The following POMK variants were observed in gnomAD, a reference collection of about 807,000 sequenced individuals.
The protein encoded by POMK is protein O-mannose kinase.
In POMK, 19 loss-of-function variants were observed where a neutral mutation model predicts 23.0. That is an observed-to-expected ratio of 0.83 (90% confidence interval 0.58 to 1.21). The LOEUF (loss-of-function observed/expected upper bound fraction) is 1.21, where lower values mean the gene tolerates loss of function less well. Among genes scored for constraint, POMK ranks in the 50% most tolerant of loss-of-function variants. POMK has a pLI of 0.00. For synonymous variants in POMK, 173 were observed against 171.6 expected, an observed-to-expected ratio of 1.01 and a Z score of -0.06; for missense variants, 410 against 431.3, an observed-to-expected ratio of 0.95 and a Z score of 0.44.
chr8:43,104,421 A>G (rs1050900622), intron 4 of POMK, among the ~76,000 whole-genome samples: 3 of 152,154 alleles, frequency 2.0e-5, no homozygotes, highest in African/African-American at 7.2e-5. Context: ...AGGCAGGAAA[A>G]AAGTCAAATG....
In POMK at chr8:43,122,261, C is replaced by G. The variant is rs776884318; in HGVS notation, c.437C>G (p.Thr146Ser). Residue 146 changes from threonine (T) to serine (S), a missense_variant, in exon 5 of 5, where the codon ACT (threonine) becomes AGT (serine). Physicochemically the swap from Thr to Ser is moderately conservative, Grantham distance 58. Transcript: ENST00000331373. Reference protein sequence around the residue: ...TLLGYCEDDNTMLTEYHPLGS... With the variant: ...TLLGYCEDDNSMLTEYHPLGS... ...CTTGGCTATTGTGAGGATGACAACA[C>G]TATGCTTACTGAATATCACCCTCTA... is the stretch of plus-strand genomic sequence containing the variant. 2 of 1,614,204 alleles carry G rather than the reference C, an allele frequency of 1.2e-6. No individual in the cohort carries two copies. The highest frequency in any genetic ancestry group is 1.7e-6 in the Non-Finnish European group (2 of 1,180,028).
chr8:43,109,526 A>G (rs899099353), intron 4 of POMK, among the ~76,000 whole-genome samples: 1 of 151,770 alleles, frequency 6.6e-6, no homozygotes, highest in African/African-American at 2.4e-5. Context: ...GTTTGACCAT[A>G]AGGTAAGATT....
chr8:43,122,894 T>C lies in POMK; in HGVS notation c.*17T>C, dbSNP rs749293857. 5 of 1,587,688 alleles carry C rather than the reference T, an allele frequency of 3.1e-6. 1 individual carries two copies. In the South Asian group the frequency reaches 3.4e-5, roughly 11 times the overall value. On this transcript the variant is annotated 3_prime_UTR_variant, in exon 5 of 5. Transcript: ENST00000331373. ...ATGCTGTGAAAACCAGTCCAGCCAA[T>C]GAAGGTGGGATTGAAGGGCTGAATG...
Position 43,103,850 on chromosome 8 carries a change from C to A in POMK, c.282+20C>A. The stretch of plus-strand genomic sequence containing the variant: ...AAGAGAGTGAGTCCGGGTTCATTTG[C>A]GATTGCTGTCATCCTGTTATTTCGC... On this transcript the variant is annotated intron_variant, in intron 4 of 4. Transcript: ENST00000331373. 6.2e-7 allele frequency: 1 copy of A among 1,611,470 alleles called. No homozygotes were observed. The highest frequency in any genetic ancestry group is 8.5e-7 in the Non-Finnish European group (1 of 1,177,898).
At chr8:43,118,804 GT>G (rs544709248) in intron 4 of POMK, among the ~76,000 whole-genome samples, 1 of 151,716 alleles carries the variant, frequency 6.6e-6, no homozygotes, top group Non-Finnish European at 1.5e-5. Context: ...CCAACTTACT[GT>G]TTTTTTTGTT....
At chr8:43,099,275 TG>T (rs1032565369) in intron 2 of POMK, among the ~76,000 whole-genome samples, 1 of 152,186 alleles carries the variant, frequency 6.6e-6, no homozygotes, top group African/African-American at 2.4e-5. Context: ...TAAATTGAGT[TG>T]TTTTTTTTGA....
At chr8:43,096,841 T>C (rs11992567) in intron 1 of POMK, among the ~76,000 whole-genome samples, 9,621 of 152,222 alleles carry the variant, frequency 0.063, 677 homozygotes, top group African/African-American at 0.17. Context: ...ATCTCAGAAA[T>C]GTAATGTTGA....
chr8:43,121,970 A>G (rs1244029915), intron 4 of POMK, 137 bp from the exon 5 acceptor site: 12 of 822,306 alleles, frequency 1.5e-5, no homozygotes, highest in Admixed American at 4.6e-5. Flanking sequence ...ACGGAGAGCA[A>G]CTCTACGATG....
chr8:43,108,875 T>C (rs1811594016), intron 4 of POMK, among the ~76,000 whole-genome samples: 2 of 152,236 alleles, frequency 1.3e-5, no homozygotes. Flanking sequence ...TTTGTGAATC[T>C]GTGGCACACA....
At chr8:43,100,052 C>CTT (rs1227219940) in intron 2 of POMK, among the ~76,000 whole-genome samples, 1 of 152,174 alleles carries the variant, frequency 6.6e-6, no homozygotes, top group Non-Finnish European at 1.5e-5. Flanking sequence ...AGAGAGTCAT[C>CTT]TGAGAGGGCA....
At chr8:43,097,781 CT>C (rs1811363958) in intron 2 of POMK, among the ~76,000 whole-genome samples, 166 bp downstream of exon 2, 1 of 152,156 alleles carries the variant, frequency 6.6e-6, no homozygotes, top group South Asian at 2.1e-4. Context: ...CACACCTGGT[CT>C]GTAACTTGAG....
chr8:43,114,533 A>G (rs985033938), intron 4 of POMK, among the ~76,000 whole-genome samples: 5 of 152,240 alleles, frequency 3.3e-5, no homozygotes, highest in African/African-American at 1.2e-4. Flanking sequence ...TTTGACTAGG[A>G]AAGGGAATGC....
intron 4 of POMK, among the ~76,000 whole-genome samples, chr8:43,112,246 C>T (rs143920417): frequency 0.034 from 5,245 of 152,220 alleles, 319 homozygotes; most frequent in African/African-American, 0.12. Flanking sequence ...CTGAAAACCA[C>T]GGCACAAGAA....
intron 2 of POMK, among the ~76,000 whole-genome samples, chr8:43,100,711 C>G (rs1477522879): frequency 6.6e-6 from 1 of 151,824 alleles, no homozygotes; most frequent in East Asian, 1.9e-4. Context: ...ATGGAGGGAT[C>G]TGATGGAGGG....
chr8:43,110,287 G>T (rs911904329), intron 4 of POMK, among the ~76,000 whole-genome samples: 1 of 152,158 alleles, frequency 6.6e-6, no homozygotes, highest in Admixed American at 6.5e-5. Flanking sequence ...TTTCAATTAC[G>T]TACCAGGAGT....
Position 43,103,581 on chromosome 8 carries a change from C to G in POMK, c.33C>G (p.Gly11=), listed in dbSNP as rs967238740. The G allele has an allele frequency of 8.1e-6, 13 of 1,614,042 alleles. No homozygotes were observed. The African/African-American group carries it at 1.6e-4, about 20-fold the overall frequency. Residue 11 remains glycine, a synonymous_variant, in exon 4 of 5, where the codon GGC becomes GGG. Coordinates refer to ENST00000331373, the MANE Select transcript of POMK (RefSeq NM_032237.5). ...AGCAGCCCCAGAACAGCAGGAGAGG[C>G]CTCGCCCCCCGAGAGGTGCCGCCAG... MEKQPQNSRR[G]LAPREVPPAV... is the part of the protein sequence containing the mutation.
At chr8:43,110,701 T>G (rs935813168) in intron 4 of POMK, among the ~76,000 whole-genome samples, 1 of 152,182 alleles carries the variant, frequency 6.6e-6, no homozygotes, top group Non-Finnish European at 1.5e-5. Flanking sequence ...AAGGATCACC[T>G]GAGGTCAGGA....
At chr8:43,097,970 C>A (rs1429215243) in intron 2 of POMK, among the ~76,000 whole-genome samples, 1 of 152,016 alleles carries the variant, frequency 6.6e-6, no homozygotes, top group Admixed American at 6.6e-5. Flanking sequence ...TGCTAGTGTC[C>A]CAGGTGTGGG....
chr8:43,108,730 C>T (rs536092556), intron 4 of POMK, among the ~76,000 whole-genome samples: 6 of 152,144 alleles, frequency 3.9e-5, no homozygotes, highest in Non-Finnish European at 7.3e-5. Flanking sequence ...CAGAAACTTG[C>T]ATTCAAGAGC....
Sources: gnomAD v4.1 joint callset for allele counts (sites outside exome capture counted in the v4.1 genomes callset) on GRCh38, gnomAD v4.1.1 for gene constraint, MANE v1.5 for transcripts, NCBI Gene and HGNC (gene_info 2026-07-23, HGNC 2026-07-21) for gene names.